The following SPARCL1 variants were observed in gnomAD, a reference collection of about 807,000 sequenced individuals.
SPARCL1 encodes SPARC-like protein 1.
A neutral mutation model predicts 67.1 loss-of-function variants in SPARCL1; 52 were observed. The observed-to-expected ratio is 0.78, with a 90% confidence interval of 0.62 to 0.98. SPARCL1 has a LOEUF of 0.98. Ranked by LOEUF, SPARCL1 falls within the 50% of genes least tolerant of loss-of-function variation. The pLI is 0.00. For missense variants in SPARCL1, 717 were observed against 782.4 expected, an observed-to-expected ratio of 0.92 and a Z score of 1.00; for synonymous variants, 226 against 267.8, an observed-to-expected ratio of 0.84 and a Z score of 1.52.
rs141169815 is a variant in SPARCL1 at position 87,512,527 on chromosome 4, C to T, written c.-11-12942G>A. On this transcript the variant is annotated intron_variant, in intron 1 of 10. Coordinates refer to ENST00000282470, the MANE Select transcript of SPARCL1 (RefSeq NM_004684.6). Reference sequence around the variant, plus strand: ...CTCTTGGTGGAAGCTATCAGCCATGCTGTACAAAAGCTTGACCCAGACTAT... The same window carrying T: ...CTCTTGGTGGAAGCTATCAGCCATGTTGTACAAAAGCTTGACCCAGACTAT... Among the ~76,000 whole-genome samples the T allele has an allele frequency of 2.0e-5, 3 of 152,196 alleles. No homozygotes were observed. In the East Asian group the frequency reaches 5.8e-4, roughly 29 times the overall value.
chr4:87,490,891 AT>A lies in SPARCL1; in HGVS notation c.1292-14del. The A allele has an allele frequency of 6.8e-7, 1 of 1,470,580 alleles. No individual in the cohort carries two copies. The highest frequency in any genetic ancestry group is 9.4e-7 in the Non-Finnish European group (1 of 1,065,456). 91.1% of individuals were successfully genotyped at this position (1,470,580 alleles called of 1,614,324 possible). A position where few individuals can be genotyped will look rare whatever the true frequency, so the allele number is the denominator to read the frequency against. On this transcript the variant is annotated splice_polypyrimidine_tract_variant and intron_variant, in intron 5 of 10. Transcript: ENST00000282470. ...CTCATGCAAGAATCTAACAGAAAAG[AT>A]TGGGCAGGAAGCATGGACAAAGTTA...
chr4:87,501,500 T>C (rs547275092), intron 1 of SPARCL1, among the ~76,000 whole-genome samples: 47 of 152,244 alleles, frequency 3.1e-4, no homozygotes, highest in African/African-American at 9.6e-4. Flanking sequence ...GAATTCTAGA[T>C]TGGAGTATTT....
In SPARCL1 at chr4:87,494,181, C is replaced by T. The variant is rs1357593952; in HGVS notation, c.619G>A (p.Glu207Lys). The T allele has an allele frequency of 6.2e-7, 1 of 1,614,016 alleles. No individual in the cohort carries two copies. Among genetic ancestry groups the T allele is most frequent in the African/African-American group, 1.3e-5 (1 of 75,032 alleles). The change falls in exon 4 of 11, where the codon GAG becomes AAG. Residue 207 changes from glutamate (E) to lysine (K), a missense_variant. Glu to Lys is a moderately conservative substitution (Grantham distance 56). Coordinates refer to ENST00000282470, the MANE Select transcript of SPARCL1 (RefSeq NM_004684.6). ...ISNGEEEEEK[E>K]PGEVGTHNDN... ...TTGTGGGTACCAACTTCACCTGGCT[C>T]TTTTTCTTCTTCCTCTTCTCCATTG... is the stretch of plus-strand genomic sequence containing the variant.
chr4:87,509,393 A>T (rs2110250304), intron 1 of SPARCL1, among the ~76,000 whole-genome samples: 1 of 152,298 alleles, frequency 6.6e-6, no homozygotes, highest in South Asian at 2.1e-4. Context: ...GCAGATATTT[A>T]ACACTTCTGT....
chr4:87,525,910 T>C (rs1020429069), intron 1 of SPARCL1, among the ~76,000 whole-genome samples: 2 of 151,658 alleles, frequency 1.3e-5, no homozygotes, highest in African/African-American at 2.4e-5. Context: ...GCTAGGAACA[T>C]AGGGGAGAGG....
chr4:87,480,334 G>T (rs759454658), intron 9 of SPARCL1, 38 bp downstream of exon 9: 1 of 1,501,900 alleles, frequency 6.7e-7, no homozygotes, highest in Non-Finnish European at 8.9e-7. Flanking sequence ...TTTTATCAGA[G>T]AGATAAATCT....
chr4:87,477,652 T>C (rs1408483461), intron 10 of SPARCL1, among the ~76,000 whole-genome samples: 2 of 152,182 alleles, frequency 1.3e-5, no homozygotes, highest in Non-Finnish European at 2.9e-5. Context: ...TACTGAAGGC[T>C]CCTGCAAAGA....
chr4:87,492,435 A>AAG (rs1724390134), intron 4 of SPARCL1, among the ~76,000 whole-genome samples: 1 of 151,448 alleles, frequency 6.6e-6, no homozygotes, highest in South Asian at 2.1e-4. Context: ...AAAAAAAAAG[A>AAG]AAAAAGAAAG....
intron 2 of SPARCL1, among the ~76,000 whole-genome samples, chr4:87,496,700 T>G (rs927127530): frequency 6.6e-6 from 1 of 152,224 alleles, no homozygotes; most frequent in Non-Finnish European, 1.5e-5. Flanking sequence ...GCCCAGTATC[T>G]GAGGCAGATA....
intron 2 of SPARCL1, among the ~76,000 whole-genome samples, chr4:87,498,454 G>C (rs541151910): frequency 6.6e-6 from 1 of 152,150 alleles, no homozygotes; most frequent in South Asian, 2.1e-4. Flanking sequence ...TCCTCCATTT[G>C]GTGAAAAAGA....
chr4:87,478,973 GT>G (rs1195791766), intron 10 of SPARCL1, among the ~76,000 whole-genome samples: 1 of 152,164 alleles, frequency 6.6e-6, no homozygotes, highest in Non-Finnish European at 1.5e-5. Flanking sequence ...TAATTGTGAT[GT>G]AAAATCCAGT....
At chr4:87,495,315 A>G (rs1475082211) in intron 2 of SPARCL1, among the ~76,000 whole-genome samples, 188 bp from the exon 3 acceptor site, 2 of 152,230 alleles carry the variant, frequency 1.3e-5, no homozygotes, top group African/African-American at 4.8e-5. Flanking sequence ...TGGAAGCAGA[A>G]TCTCAATTGT....
chr4:87,493,049 A>C (rs10031606), intron 4 of SPARCL1, among the ~76,000 whole-genome samples: 1 of 152,038 alleles, frequency 6.6e-6, no homozygotes, highest in African/African-American at 2.4e-5. Flanking sequence ...AGTATCTCCT[A>C]TCCTTCAGAT....
intron 1 of SPARCL1, among the ~76,000 whole-genome samples, chr4:87,507,865 TAGAGTGCATCACAG>T (rs1419427844): frequency 6.6e-6 from 1 of 152,186 alleles, no homozygotes; most frequent in Non-Finnish European, 1.5e-5. Flanking sequence ...ATTAATTTGC[TAGAGTGCATCACAG>T]AACTCAGGGA....
chr4:87,477,082 T>C (rs1723612858), intron 10 of SPARCL1, among the ~76,000 whole-genome samples: 1 of 152,218 alleles, frequency 6.6e-6, no homozygotes, highest in Non-Finnish European at 1.5e-5. Context: ...TTAGCAGCTT[T>C]GTAAATGACT....
intron 1 of SPARCL1, among the ~76,000 whole-genome samples, chr4:87,503,206 T>C (rs1251777760): frequency 6.6e-6 from 1 of 152,232 alleles, no homozygotes; most frequent in East Asian, 1.9e-4. Flanking sequence ...GTTAATCTGA[T>C]AGGCTTTCAA....
chr4:87,525,097 A>G (rs1372770223), intron 1 of SPARCL1, among the ~76,000 whole-genome samples: 1 of 151,396 alleles, frequency 6.6e-6, no homozygotes, highest in Admixed American at 6.6e-5. Context: ...CAGGTGGTGG[A>G]GGTTGCAGTG....
chr4:87,494,464 C>G lies in SPARCL1; in HGVS notation c.336G>C (p.Glu112Asp). 6.2e-7 allele frequency: 1 copy of G among 1,614,124 alleles called. No individual in the cohort carries two copies. Among genetic ancestry groups the G allele is most frequent in the African/African-American group, 1.3e-5 (1 of 75,036 alleles). ...DSDGHLSVNL[E>D]YAPTEGTLDI... ...CCAATGTACCTTCAGTTGGTGCATA[C>G]TCCAAATTCACACTTAAGTGACCAT... The change falls in exon 4 of 11, where the codon GAG becomes GAC. Residue 112 changes from glutamate to aspartate, a missense_variant. By Grantham distance (45) the Glu-to-Asp change is conservative. Transcript: ENST00000282470.
At chr4:87,488,709 C>T (rs1724178864) in intron 7 of SPARCL1, among the ~76,000 whole-genome samples, 1 of 152,168 alleles carries the variant, frequency 6.6e-6, no homozygotes, top group South Asian at 2.1e-4. Context: ...CCCCCAGGTG[C>T]TCTGTCCCAA....
Sources: gnomAD v4.1 joint callset for allele counts (sites outside exome capture counted in the v4.1 genomes callset) on GRCh38, gnomAD v4.1.1 for gene constraint, MANE v1.5 for transcripts, NCBI Gene and HGNC (gene_info 2026-07-23, HGNC 2026-07-21) for gene names.